Variants in GPC5 observed in about 807,000 individuals in gnomAD.
The protein encoded by GPC5 is glypican 5, also known as glypican-5.
In GPC5, 47 loss-of-function variants were observed where a neutral mutation model predicts 53.9. The observed-to-expected ratio is 0.87, with a 90% CI of 0.69 to 1.11. GPC5 has a LOEUF of 1.11. Among genes scored for constraint, GPC5 ranks in the 50% most tolerant of loss-of-function variants. GPC5 has a pLI of 0.00. For missense variants in GPC5, 748 were observed against 713.1 expected (o/e 1.05, Z -0.56); for synonymous variants, 286 against 263.3 (o/e 1.09, Z -0.84).
intron 7 of GPC5, among the ~76,000 whole-genome samples, chr13:92,519,615 G>A (rs574746978): frequency 7.2e-5 from 11 of 152,062 alleles, no homozygotes; most frequent in Middle Eastern, 3.4e-3. Flanking sequence ...AATCTCTGGG[G>A]CACATTCAAA....
At chr13:91,754,796 C>A (rs945718757) in intron 4 of GPC5, among the ~76,000 whole-genome samples, 1 of 152,044 alleles carries the variant, frequency 6.6e-6, no homozygotes, top group Non-Finnish European at 1.5e-5. Context: ...GCAGAGGAAA[C>A]GGACTTAAAG....
chr13:92,336,593 A>C (rs16947436), intron 7 of GPC5, among the ~76,000 whole-genome samples: 4,347 of 152,270 alleles, frequency 0.029, 117 homozygotes, highest in African/African-American at 0.076. Flanking sequence ...AATTAAGGTC[A>C]CAATCAGGAA....
At chr13:92,419,585 A>G (rs1876470604) in intron 7 of GPC5, among the ~76,000 whole-genome samples, 1 of 152,212 alleles carries the variant, frequency 6.6e-6, no homozygotes, top group Non-Finnish European at 1.5e-5. Flanking sequence ...TTCATATTAT[A>G]TACATAAACT....
At chr13:92,573,089 A>G (rs1347671605) in intron 7 of GPC5, among the ~76,000 whole-genome samples, 1 of 152,166 alleles carries the variant, frequency 6.6e-6, no homozygotes, top group Non-Finnish European at 1.5e-5. Context: ...TTGTAAGTGT[A>G]CAGAGGTTGA....
At chr13:92,782,036 A>G (rs1463834749) in intron 7 of GPC5, among the ~76,000 whole-genome samples, 1 of 151,276 alleles carries the variant, frequency 6.6e-6, no homozygotes, top group Non-Finnish European at 1.5e-5. Flanking sequence ...AGTGGAAGGA[A>G]AGGAAAGGAA....
intron 2 of GPC5, among the ~76,000 whole-genome samples, chr13:91,480,266 C>T (rs1883227888): frequency 6.6e-6 from 1 of 152,170 alleles, no homozygotes; most frequent in African/African-American, 2.4e-5. Context: ...CCGCTATGGA[C>T]AGGGCATTTC....
At chr13:91,448,398 A>G (rs1006028328) in intron 1 of GPC5, among the ~76,000 whole-genome samples, 5 of 152,210 alleles carry the variant, frequency 3.3e-5, no homozygotes, top group African/African-American at 7.2e-5. Context: ...ATAATTATCT[A>G]TAACATATTT....
intron 7 of GPC5, among the ~76,000 whole-genome samples, chr13:92,272,195 A>G (rs2042844314): frequency 6.6e-6 from 1 of 152,202 alleles, no homozygotes; most frequent in African/African-American, 2.4e-5. Context: ...GTTGATCCTA[A>G]TATACCCTTC....
At chr13:91,774,464 T>C (rs1189132894) in intron 5 of GPC5, among the ~76,000 whole-genome samples, 1 of 152,172 alleles carries the variant, frequency 6.6e-6, no homozygotes, top group Non-Finnish European at 1.5e-5. Context: ...TTGGAGATTA[T>C]AGCACCTGTG....
At chr13:91,906,584 T>C (rs2039555571) in intron 5 of GPC5, among the ~76,000 whole-genome samples, 1 of 152,146 alleles carries the variant, frequency 6.6e-6, no homozygotes, top group Non-Finnish European at 1.5e-5. Context: ...ATGAGTTAAT[T>C]ACTATATTCC....
chr13:92,553,611 C>T (rs1245082666), intron 7 of GPC5, among the ~76,000 whole-genome samples: 2 of 151,906 alleles, frequency 1.3e-5, no homozygotes, highest in African/African-American at 2.4e-5. Flanking sequence ...CAGAATATAT[C>T]GAAGCCGAGG....
At chr13:92,530,357 A>G (rs993612170) in intron 7 of GPC5, among the ~76,000 whole-genome samples, 2 of 152,166 alleles carry the variant, frequency 1.3e-5, no homozygotes, top group Admixed American at 1.3e-4. Flanking sequence ...TCAAGGACAC[A>G]TGTAGTGCCA....
chr13:92,560,644 G>A (rs1442203764), intron 7 of GPC5, among the ~76,000 whole-genome samples: 2 of 151,890 alleles, frequency 1.3e-5, no homozygotes. Context: ...GGCAAAAGGT[G>A]GAAAGGTCCC....
At chr13:92,712,177 A>G (rs1888162450) in intron 7 of GPC5, among the ~76,000 whole-genome samples, 2 of 152,048 alleles carry the variant, frequency 1.3e-5, no homozygotes, top group Non-Finnish European at 2.9e-5. Flanking sequence ...AAAAATTGTC[A>G]ATATCAGGAA....
chr13:92,517,051 G>A (rs1467514284), intron 7 of GPC5, among the ~76,000 whole-genome samples: 1 of 152,074 alleles, frequency 6.6e-6, no homozygotes, highest in Non-Finnish European at 1.5e-5. Context: ...TGTCTCGGAG[G>A]GTCCCACACC....
intron 2 of GPC5, among the ~76,000 whole-genome samples, chr13:91,511,098 T>C (rs1475095214): frequency 1.3e-5 from 2 of 152,252 alleles, no homozygotes; most frequent in Middle Eastern, 3.4e-3. Flanking sequence ...TAGGTTAAAT[T>C]TGAGTTTGTA....
chr13:91,926,454 G>T (rs578178933), intron 6 of GPC5, among the ~76,000 whole-genome samples: 4 of 151,888 alleles, frequency 2.6e-5, no homozygotes, highest in Non-Finnish European at 5.9e-5. Flanking sequence ...ACCCAGTTCA[G>T]CTGATCTAGG....
At position 92,276,996 on chromosome 13, in the gene GPC5, C is replaced by G. The variant is rs191901717; in HGVS notation, c.1561+132007C>G. ...TAAACATTACTTTTAGTCTCTCTCT[C>G]TTTTTTTTTCTTTACTTTATATTTA... On this transcript the variant is annotated intron_variant, in intron 7 of 7. Coordinates refer to ENST00000377067, the MANE Select transcript of GPC5 (RefSeq NM_004466.6). Among the ~76,000 whole-genome samples the G allele has an allele frequency of 2.3e-3, 351 of 151,158 alleles. 2 individuals carry two copies. Among genetic ancestry groups the G allele is most frequent in the Non-Finnish European group, 3.8e-3 (254 of 67,654 alleles).
chr13:91,439,270 G>A (rs568678037), intron 1 of GPC5, among the ~76,000 whole-genome samples: 2 of 152,206 alleles, frequency 1.3e-5, no homozygotes, highest in African/African-American at 2.4e-5. Context: ...CATGCTAGTG[G>A]CATCTAATGG....
Sources: allele counts gnomAD v4.1 joint callset (sites outside exome capture counted in the v4.1 genomes callset), GRCh38; gene constraint gnomAD v4.1.1; transcripts MANE v1.5; gene names NCBI Gene and HGNC (gene_info 2026-07-23, HGNC 2026-07-21).